The following EIF4B variants were observed in gnomAD, a reference collection of about 807,000 sequenced individuals.
EIF4B encodes eukaryotic translation initiation factor 4B.
Under a neutral mutation model 79.3 loss-of-function variants are expected in EIF4B, and 8 were observed. The observed-to-expected ratio is 0.10, with a 90% CI of 0.06 to 0.18. The LOEUF is 0.18. EIF4B is among the 10% of genes least tolerant of loss of function. The probability of loss-of-function intolerance (pLI) is 1.00; values close to 1 mark genes in which losing one functional copy is unlikely to be tolerated. For synonymous variants in EIF4B, 238 were observed against 274.7 expected, an observed-to-expected ratio of 0.87 and a Z score of 1.32; for missense variants, 515 against 792.4, an observed-to-expected ratio of 0.65 and a Z score of 4.20.
intron 6 of EIF4B, among the ~76,000 whole-genome samples, chr12:53,023,555 G>C (rs1018524135): frequency 8.4e-5 from 12 of 142,380 alleles, no homozygotes; most frequent in African/African-American, 3.2e-4. Flanking sequence ...CTATATGCTT[G>C]TAGCAAACAA....
intron 6 of EIF4B, among the ~76,000 whole-genome samples, chr12:53,025,501 A>G (rs914647507): frequency 7.9e-5 from 12 of 152,208 alleles, no homozygotes; most frequent in Non-Finnish European, 1.8e-4. Context: ...AATGTCAGTA[A>G]TAGCATGTGC....
intron 10 of EIF4B, among the ~76,000 whole-genome samples, chr12:53,034,956 C>CTTTT (rs72498436): frequency 4.4e-5 from 4 of 90,148 alleles, no homozygotes; most frequent in South Asian, 8.2e-4. Flanking sequence ...TTGTCTCTCT[C>CTTTT]TTTTTTTTTT....
intron 6 of EIF4B, among the ~76,000 whole-genome samples, chr12:53,023,475 C>T (rs1393776884): frequency 2.6e-5 from 4 of 152,132 alleles, no homozygotes; most frequent in Admixed American, 2.0e-4. Context: ...TCATGATCCG[C>T]CCGCCTTGGC....
At chr12:53,016,160 T>C (rs1429278605) in intron 1 of EIF4B, among the ~76,000 whole-genome samples, 1 of 152,118 alleles carries the variant, frequency 6.6e-6, no homozygotes, top group Non-Finnish European at 1.5e-5. Flanking sequence ...AAATTAAAGA[T>C]CTCAAATGAT....
chr12:53,027,137 A>ATTTTT (rs71095967), intron 6 of EIF4B, among the ~76,000 whole-genome samples: 5 of 25,742 alleles, frequency 1.9e-4, no homozygotes, highest in African/African-American at 4.1e-4. Flanking sequence ...AAAAAAAAAA[A>ATTTTT]TTTTTTTTTT....
At chr12:53,030,327 C>T (rs1943412589) in intron 8 of EIF4B, among the ~76,000 whole-genome samples, 2 of 147,470 alleles carry the variant, frequency 1.4e-5, no homozygotes, top group Admixed American at 1.4e-4. Context: ...CTGCAGTTAG[C>T]CAAGGTCTCA....
intron 5 of EIF4B, 68 bp from the exon 6 acceptor site, chr12:53,022,423 CTA>C: frequency 6.3e-7 from 1 of 1,597,668 alleles, no homozygotes; most frequent in Non-Finnish European, 8.5e-7. Context: ...TGGGGGTTTT[CTA>C]TGTGTGAGAA....
chr12:53,019,440 T>TTTC (rs1565586221), intron 3 of EIF4B, among the ~76,000 whole-genome samples: 23 of 118,688 alleles, frequency 1.9e-4, no homozygotes, highest in Non-Finnish European at 3.5e-4. Context: ...TATATATATT[T>TTTC]TTTTTTTTTC....
intron 6 of EIF4B, among the ~76,000 whole-genome samples, chr12:53,027,137 A>AAATTTTTTTTTTTTTTTTTTTT (rs1491387300): frequency 7.8e-5 from 2 of 25,744 alleles, no homozygotes; most frequent in African/African-American, 1.6e-4. Flanking sequence ...AAAAAAAAAA[A>AAATTTTTTTTTTTTTTTTTTTT]TTTTTTTTTT....
intron 5 of EIF4B, 66 bp from the exon 6 acceptor site, chr12:53,022,427 G>A (rs1013663235): frequency 6.4e-5 from 103 of 1,599,084 alleles, no homozygotes; most frequent in Non-Finnish European, 8.0e-5. Context: ...GGTTTTCTAT[G>A]TGTGAGAAAT....
At chr12:53,016,416 C>A in intron 1 of EIF4B, 57 bp from the exon 2 acceptor site, 1 of 1,603,212 alleles carries the variant, frequency 6.2e-7, no homozygotes, top group Non-Finnish European at 8.5e-7. Flanking sequence ...TTGCATTGTA[C>A]AACTCTGTAA....
intron 6 of EIF4B, chr12:53,025,371 C>G: frequency 2.6e-6 from 1 of 386,776 alleles, no homozygotes. Context: ...TTATCCAAAG[C>G]TGCCCCAAAG....
chr12:53,014,794 T>C (rs1943121933), intron 1 of EIF4B: 1 of 152,226 alleles, frequency 6.6e-6, no homozygotes, highest in South Asian at 2.1e-4. Flanking sequence ...TTCATGATTA[T>C]AAAAACCATG....
intron 6 of EIF4B, 93 bp from the exon 7 acceptor site, chr12:53,027,687 TAA>T: frequency 2.8e-6 from 4 of 1,452,350 alleles, no homozygotes; most frequent in Non-Finnish European, 3.7e-6. Flanking sequence ...AAAATTTAAA[TAA>T]ACAGATTCTT....
intron 10 of EIF4B, among the ~76,000 whole-genome samples, chr12:53,035,228 A>G (rs929445311): frequency 4.6e-5 from 7 of 151,896 alleles, no homozygotes; most frequent in Non-Finnish European, 1.0e-4. Context: ...GTTTTGAGAC[A>G]GGGTCTTACT....
intron 3 of EIF4B, 70 bp downstream of exon 3, chr12:53,019,076 G>T: frequency 1.3e-6 from 2 of 1,527,522 alleles, no homozygotes; most frequent in Non-Finnish European, 1.8e-6. Context: ...ATTGTGGAAT[G>T]GGCAGTTGCT....
chr12:53,031,844 G>A (rs1320482837), intron 8 of EIF4B, among the ~76,000 whole-genome samples: 1 of 152,194 alleles, frequency 6.6e-6, no homozygotes, highest in Non-Finnish European at 1.5e-5. Context: ...AGTACAGCTG[G>A]TCATGTCATC....
At chr12:53,021,329 C>T (rs1943244196) in intron 4 of EIF4B, among the ~76,000 whole-genome samples, 2 of 152,114 alleles carry the variant, frequency 1.3e-5, no homozygotes, top group South Asian at 4.2e-4. Flanking sequence ...GACAGTGTCT[C>T]GCTATATTGC....
chr12:53,027,137 A>ATTATTATTATTATTT (rs1943349413), intron 6 of EIF4B, among the ~76,000 whole-genome samples: 1 of 25,722 alleles, frequency 3.9e-5, no homozygotes, highest in African/African-American at 8.2e-5. Flanking sequence ...AAAAAAAAAA[A>ATTATTATTATTATTT]TTTTTTTTTT....
Sources: gnomAD v4.1 joint callset for allele counts (sites outside exome capture counted in the v4.1 genomes callset) on GRCh38, gnomAD v4.1.1 for gene constraint, MANE v1.5 for transcripts, NCBI Gene and HGNC (gene_info 2026-07-23, HGNC 2026-07-21) for gene names.